The following FOXRED1 variants were observed in gnomAD, a reference collection of about 807,000 sequenced individuals.
FOXRED1 encodes the protein FAD-dependent oxidoreductase domain-containing protein 1.
Under a neutral mutation model 57.8 loss-of-function variants are expected in FOXRED1, and 52 were observed. The observed-to-expected ratio is 0.90, with a 90% CI of 0.72 to 1.13. FOXRED1 has a LOEUF of 1.13. Ranked by LOEUF, FOXRED1 falls within the 50% of genes most tolerant of loss-of-function variation. FOXRED1 has a pLI of 0.00. For missense variants in FOXRED1, 589 were observed against 625.2 expected (o/e 0.94, Z 0.62); for synonymous variants, 271 against 248.3 (o/e 1.09, Z -0.86).
rs1371574276 is a variant in FOXRED1, at chr11:126,269,272, C to T, written c.66C>T (p.Arg22=). 3 of 1,614,218 alleles carry T rather than the reference C, an allele frequency of 1.9e-6. No homozygotes were observed. The South Asian group carries it at 3.3e-5, about 18-fold the overall frequency. Residue 22 remains arginine (R), a synonymous_variant, in exon 1 of 11, where the codon CGC becomes CGT. Coordinates refer to ENST00000263578, the MANE Select transcript of FOXRED1 (RefSeq NM_017547.4). ...TCTTGACCCGGAGGCCAGGCACGCG[C>T]AGAGGAGGCTTTTCTCTGGGTAAAG... ...RGLLTRRPGT[R]RGGFSLDWDG...
In FOXRED1 at chr11:126,277,623, C is replaced by T; in HGVS notation, c.1395C>T (p.Asp465=). Residue 465 remains aspartate, a synonymous_variant, in exon 11 of 11, where the codon GAC becomes GAT. Transcript: ENST00000263578. The surrounding 1 kb of genome is among the most constrained non-coding windows in gnomAD (Gnocchi z 6.8). ...TGAAGGGCAGGTTCCAGACCATCGACCTGAGCCCCTTCCTCTTTACCCGCT... is the reference window on the plus strand; with the variant it reads ...TGAAGGGCAGGTTCCAGACCATCGATCTGAGCCCCTTCCTCTTTACCCGCT... The part of the protein sequence containing the change: ...MVLKGRFQTI[D]LSPFLFTRFY... 6.2e-7 allele frequency: 1 copy of T among 1,613,688 alleles called. No homozygotes were observed. Among genetic ancestry groups the T allele is most frequent in the Non-Finnish European group, 8.5e-7 (1 of 1,179,898 alleles).
At position 126,278,047 on chromosome 11, in the gene FOXRED1, T is replaced by C. The variant is rs1951205732; in HGVS notation, c.*358T>C. The C allele has an allele frequency of 1.9e-6, 1 of 521,502 alleles. No individual in the cohort carries two copies. Among genetic ancestry groups the C allele is most frequent in the Non-Finnish European group, 3.7e-6 (1 of 271,162 alleles). The allele number at this position is 521,502 out of a possible 1,614,324, so 32.3% of individuals were successfully genotyped here. A position where few individuals can be genotyped will look rare whatever the true frequency, so the allele number is the denominator to read the frequency against. Reference sequence around the variant, plus strand: ...AGACAGAGCCCAGGCATGGGAGCACTCTGGGGCAGCCTGGCTCAGGTTTAT... The same window carrying C: ...AGACAGAGCCCAGGCATGGGAGCACCCTGGGGCAGCCTGGCTCAGGTTTAT... On this transcript the variant is annotated 3_prime_UTR_variant, in exon 11 of 11. Transcript: ENST00000263578. This position sits in a 1 kb window ranked among gnomAD's most constrained non-coding sequence, Gnocchi z 4.8.
In FOXRED1 at chr11:126,273,896, G is replaced by A. The variant is rs942436674; in HGVS notation, c.536+442G>A. 4.7e-6 allele frequency: 1 copy of A among 214,878 alleles called. No homozygotes were observed. Among genetic ancestry groups the A allele is most frequent in the Non-Finnish European group, 9.6e-6 (1 of 104,156 alleles). 13.3% of individuals were successfully genotyped at this position (214,878 alleles called of 1,614,324 possible). On this transcript the variant is annotated intron_variant, in intron 4 of 10. Transcript: ENST00000263578. The surrounding 1 kb of genome is among the most constrained non-coding windows in gnomAD (Gnocchi z 5.9). ...AGCAGCCATAGACAAAAGTGCAAATGAAGGAGTGTGGCTCATTTATGAAAA... is the reference window on the plus strand; with the variant it reads ...AGCAGCCATAGACAAAAGTGCAAATAAAGGAGTGTGGCTCATTTATGAAAA...
chr11:126,277,268 G>T lies in FOXRED1; in HGVS notation c.1206+93G>T. ...CATTGGTCCCCTCGGACCCGTGACTGCCGTAGTCCCTCCATGTCACAACTG... is the reference window on the plus strand; with the variant it reads ...CATTGGTCCCCTCGGACCCGTGACTTCCGTAGTCCCTCCATGTCACAACTG... On this transcript the variant is annotated intron_variant, in intron 10 of 10. Coordinates refer to ENST00000263578, the MANE Select transcript of FOXRED1 (RefSeq NM_017547.4). The surrounding 1 kb of genome is among the most constrained non-coding windows in gnomAD (Gnocchi z 6.8). 1 of 1,174,016 alleles carries T rather than the reference G, an allele frequency of 8.5e-7. No individual in the cohort carries two copies. The highest frequency in any genetic ancestry group is 1.2e-5 in the South Asian group (1 of 81,506). The allele number at this position is 1,174,016 out of a possible 1,614,324, so 72.7% of individuals were successfully genotyped here. A position where few individuals can be genotyped will look rare whatever the true frequency, so the allele number is the denominator to read the frequency against.
At position 126,269,185 on chromosome 11, in the gene FOXRED1, A is replaced by C; in HGVS notation, c.-22A>C. ...AGCGAGGCAGCAGTGCAGCTTTCAG[A>C]GGGTCCGGGCTCAGAGGGGTTATGA... On this transcript the variant is annotated 5_prime_UTR_variant, in exon 1 of 11. Transcript: ENST00000263578. 6.3e-7 allele frequency: 1 copy of C among 1,582,794 alleles called. No individual in the cohort carries two copies. Among genetic ancestry groups the C allele is most frequent in the Non-Finnish European group, 8.7e-7 (1 of 1,152,350 alleles).
At chr11:126,270,674 A>G (rs1348709394) in intron 1 of FOXRED1, among the ~76,000 whole-genome samples, 2 of 152,236 alleles carry the variant, frequency 1.3e-5, no homozygotes, top group Admixed American at 6.5e-5. Flanking sequence ...ATTGTGCAGT[A>G]TCTTACAGGC....
Position 126,277,024 on chromosome 11 carries a change from C to A in FOXRED1, c.1102-47C>A. Reference sequence around the variant, plus strand: ...GATTGTTAAACAAGTCTGGGCCTGTCCTTGTGTCCCAGGCAATGTAAGCGT... The same window carrying A: ...GATTGTTAAACAAGTCTGGGCCTGTACTTGTGTCCCAGGCAATGTAAGCGT... On this transcript the variant is annotated intron_variant, in intron 9 of 10. Coordinates refer to ENST00000263578, the MANE Select transcript of FOXRED1 (RefSeq NM_017547.4). The surrounding 1 kb of genome is among the most constrained non-coding windows in gnomAD (Gnocchi z 6.8). 1 of 1,167,366 alleles carries A rather than the reference C, an allele frequency of 8.6e-7. No individual in the cohort carries two copies. Among genetic ancestry groups the A allele is most frequent in the Non-Finnish European group, 1.3e-6 (1 of 772,732 alleles). The allele number at this position is 1,167,366 out of a possible 1,614,324, so 72.3% of individuals were successfully genotyped here. A position where few individuals can be genotyped will look rare whatever the true frequency, so the allele number is the denominator to read the frequency against.
At position 126,276,100 on chromosome 11, in the gene FOXRED1, C is replaced by T. The variant is rs546801411; in HGVS notation, c.852C>T (p.Cys284=). ...DRSLEYQPVE[C]AIVINAAGAW... ...GCCTGGAGTACCAGCCTGTGGAATG[C>T]GCCATTGTGATCAACGCAGCCGGAG... is the stretch of plus-strand genomic sequence containing the variant. The change falls in exon 8 of 11, where the codon TGC becomes TGT. Residue 284 remains cysteine (C), a synonymous_variant. Coordinates refer to ENST00000263578, the MANE Select transcript of FOXRED1 (RefSeq NM_017547.4). 1.1e-5 allele frequency: 17 copies of T among 1,612,778 alleles called. No homozygotes were observed. The East Asian group carries it at 3.1e-4, about 30-fold the overall frequency.
Position 126,275,543 on chromosome 11 carries a change from G to C in FOXRED1, c.733+115G>C. The stretch of plus-strand genomic sequence containing the variant: ...GGGGAAAGGGGTCTCCCTGAGAGCA[G>C]GTCCTAGGCATCTTGACCTGGGCTC... On this transcript the variant is annotated intron_variant, in intron 6 of 10. Transcript: ENST00000263578. The surrounding 1 kb of genome is among the most constrained non-coding windows in gnomAD (Gnocchi z 5.9). The C allele has an allele frequency of 1.2e-6, 1 of 816,094 alleles. No individual in the cohort carries two copies. Among genetic ancestry groups the C allele is most frequent in the Non-Finnish European group, 2.1e-6 (1 of 471,112 alleles). 50.6% of individuals were successfully genotyped at this position (816,094 alleles called of 1,614,324 possible). A position where few individuals can be genotyped will look rare whatever the true frequency, so the allele number is the denominator to read the frequency against.
Position 126,277,167 on chromosome 11 carries a change from ACT to A in FOXRED1, c.1201_1202del (p.Leu401GlufsTer16), listed in dbSNP as rs778356256. On this transcript the variant is annotated frameshift_variant, in exon 10 of 11. Transcript: ENST00000263578. LOFTEE classifies it high-confidence loss of function. The surrounding 1 kb of genome is among the most constrained non-coding windows in gnomAD (Gnocchi z 6.8). Reference sequence around the variant, plus strand: ...GGCCCTGAGGGTCCCAGCTTTTGAGACTCTGAAGGTAACTGGCAAGGGCTGGT... The same window carrying A: ...GGCCCTGAGGGTCCCAGCTTTTGAGACTGAAGGTAACTGGCAAGGGCTGGT... ...HLALRVPAFE[T>X]LKVQSAWAGY... 7.5e-6 allele frequency: 12 copies of A among 1,595,722 alleles called. No individual in the cohort carries two copies. The highest frequency in any genetic ancestry group is 9.5e-6 in the Non-Finnish European group (11 of 1,163,678).
chr11:126,271,628 C>G lies in FOXRED1; in HGVS notation c.277C>G (p.Arg93Gly), dbSNP rs754383840. Residue 93 changes from arginine to glycine, a missense_variant, in exon 2 of 11, where the codon CGA becomes GGA. Arg to Gly is a moderately radical substitution (Grantham distance 125, BLOSUM62 -2). Transcript: ENST00000263578. This position sits in a 1 kb window ranked among gnomAD's most constrained non-coding sequence, Gnocchi z 5.3. ...GCTGGAGAGCAGACGAGGTGCTATTCGAGTGCTAGTGGTGGAACGGGACCA... is the reference window on the plus strand; with the variant it reads ...GCTGGAGAGCAGACGAGGTGCTATTGGAGTGCTAGTGGTGGAACGGGACCA... Reference protein sequence around the residue: ...KKLESRRGAIRVLVVERDHTY... With the variant: ...KKLESRRGAIGVLVVERDHTY... 7 of 1,613,928 alleles carry G rather than the reference C, an allele frequency of 4.3e-6. No individual in the cohort carries two copies. Among genetic ancestry groups the G allele is most frequent in the Non-Finnish European group, 5.9e-6 (7 of 1,179,990 alleles).
At position 126,275,031 on chromosome 11, in the gene FOXRED1, G is replaced by C. The variant is rs1227534720; in HGVS notation, c.631+10G>C. Reference sequence around the variant, plus strand: ...GCTTTGGCGTCTTATGGTGAGGCTTGCTTGCAGAGGGGACAGCTTTTTTCC... The same window carrying C: ...GCTTTGGCGTCTTATGGTGAGGCTTCCTTGCAGAGGGGACAGCTTTTTTCC... On this transcript the variant is annotated intron_variant, in intron 5 of 10. Coordinates refer to ENST00000263578, the MANE Select transcript of FOXRED1 (RefSeq NM_017547.4). The surrounding 1 kb of genome is among the most constrained non-coding windows in gnomAD (Gnocchi z 5.9). 6.3e-7 allele frequency: 1 copy of C among 1,577,950 alleles called. No homozygotes were observed. Among genetic ancestry groups the C allele is most frequent in the Admixed American group, 1.7e-5 (1 of 59,956 alleles).
chr11:126,269,340 C>CCTCCGA (rs759367781), intron 1 of FOXRED1, 49 bp downstream of exon 1: 21 of 1,613,732 alleles, frequency 1.3e-5, no homozygotes, highest in Non-Finnish European at 1.7e-5. Flanking sequence ...TTGTCCCCAA[C>CCTCCGA]CTCCGACTGT....
At position 126,271,534 on chromosome 11, in the gene FOXRED1, C is replaced by A. The variant is rs773152001; in HGVS notation, c.183C>A (p.Pro61=). 1.9e-6 allele frequency: 3 copies of A among 1,614,170 alleles called. No individual in the cohort carries two copies. Among genetic ancestry groups the A allele is most frequent in the Admixed American group, 3.3e-5 (2 of 60,032 alleles). Residue 61 remains proline (P), a synonymous_variant, in exon 2 of 11, where the codon CCC becomes CCA. Transcript: ENST00000263578. The surrounding 1 kb of genome is among the most constrained non-coding windows in gnomAD (Gnocchi z 5.3). Reference sequence around the variant, plus strand: ...TGCAAGACACCAGCCACCTGCCTCCCGAGCACTCGGATGTGGTGATCGTGG... The same window carrying A: ...TGCAAGACACCAGCCACCTGCCTCCAGAGCACTCGGATGTGGTGATCGTGG... ...DLLQDTSHLP[P]EHSDVVIVGG... is the part of the protein sequence containing the mutation.
intron 7 of FOXRED1, 54 bp from the exon 8 acceptor site, chr11:126,276,005 G>A (rs1951118238): frequency 3.7e-6 from 6 of 1,608,898 alleles, no homozygotes; most frequent in Middle Eastern, 3.3e-4. Context: ...CATCTCTCAG[G>A]GTGCCTGGTG....
At position 126,275,014 on chromosome 11, in the gene FOXRED1, G is replaced by A. The variant is rs772086620; in HGVS notation, c.624G>A (p.Ala208=). ...PWINTEGVAL[A]SYGMEDEGWF... is the part of the protein sequence containing the mutation. Reference sequence around the variant, plus strand: ...TAAACACAGAGGGAGTGGCTTTGGCGTCTTATGGTGAGGCTTGCTTGCAGA... The same window carrying A: ...TAAACACAGAGGGAGTGGCTTTGGCATCTTATGGTGAGGCTTGCTTGCAGA... Residue 208 remains alanine (A), a synonymous_variant, in exon 5 of 11, where the codon GCG becomes GCA. Coordinates refer to ENST00000263578, the MANE Select transcript of FOXRED1 (RefSeq NM_017547.4). This position sits in a 1 kb window ranked among gnomAD's most constrained non-coding sequence, Gnocchi z 5.9. 15 of 1,607,794 alleles carry A rather than the reference G, an allele frequency of 9.3e-6. No individual in the cohort carries two copies. The highest frequency in any genetic ancestry group is 5.0e-5 in the Admixed American group (3 of 60,000).
In FOXRED1 at chr11:126,269,437, T is replaced by C. The variant is rs767081061; in HGVS notation, c.85+146T>C. 4.7e-6 allele frequency: 7 copies of C among 1,486,412 alleles called. No individual in the cohort carries two copies. The Middle Eastern group carries it at 8.5e-4, about 181-fold the overall frequency. 92.1% of individuals were successfully genotyped at this position (1,486,412 alleles called of 1,614,324 possible). ...GGGGGTTAGCTTACCTACCAGAGCT[T>C]GTAGGGGCTGTGCAGGTGTATGGCT... On this transcript the variant is annotated intron_variant, in intron 1 of 10. Coordinates refer to ENST00000263578, the MANE Select transcript of FOXRED1 (RefSeq NM_017547.4).
chr11:126,269,219 G>A lies in FOXRED1; in HGVS notation c.13G>A (p.Val5Ile). 17 of 1,613,808 alleles carry A rather than the reference G, an allele frequency of 1.1e-5. No individual in the cohort carries two copies. The highest frequency in any genetic ancestry group is 7.6e-6 in the Non-Finnish European group (9 of 1,179,790). The change falls in exon 1 of 11, where the codon GTT becomes ATT. Residue 5 changes from valine (V) to isoleucine (I), a missense_variant. Physicochemically the swap from Val to Ile is conservative, Grantham distance 29 (BLOSUM62 3). Transcript: ENST00000263578. Reference sequence around the variant, plus strand: ...GCTCAGAGGGGTTATGATTCGGAGGGTTCTGCCGCACGGCATGGGCCGGGG... The same window carrying A: ...GCTCAGAGGGGTTATGATTCGGAGGATTCTGCCGCACGGCATGGGCCGGGG... Reference protein sequence around the residue: MIRRVLPHGMGRGLL... With the variant: MIRRILPHGMGRGLL...
At position 126,273,355 on chromosome 11, in the gene FOXRED1, A is replaced by G. The variant is rs201873350; in HGVS notation, c.437A>G (p.Asp146Gly). 5.6e-6 allele frequency: 9 copies of G among 1,613,466 alleles called. No individual in the cohort carries two copies. The highest frequency in any genetic ancestry group is 1.3e-5 in the African/African-American group (1 of 75,022). Residue 146 changes from aspartate to glycine, a missense_variant, in exon 4 of 11, where the codon GAT (aspartate) becomes GGT (glycine). Transcript: ENST00000263578. The surrounding 1 kb of genome is among the most constrained non-coding windows in gnomAD (Gnocchi z 5.9). ...ACACAGGAGTACCTGGCCGTAGTCGATGCTCCTCCCCTGGACCTCCGGTTC... is the reference window on the plus strand; with the variant it reads ...ACACAGGAGTACCTGGCCGTAGTCGGTGCTCCTCCCCTGGACCTCCGGTTC... ...RNINEYLAVV[D>G]APPLDLRFNP... is the part of the protein sequence containing the mutation.
Sources: allele counts gnomAD v4.1 joint callset (sites outside exome capture counted in the v4.1 genomes callset), GRCh38; gene constraint gnomAD v4.1.1; non-coding constraint Gnocchi (gnomAD v3.1); transcripts MANE v1.5; gene names NCBI Gene and HGNC (gene_info 2026-07-23, HGNC 2026-07-21).